SECTM1: variants seen among roughly 807,000 people sequenced by gnomAD.
The protein encoded by SECTM1 is secreted and transmembrane protein 1.
A neutral mutation model predicts 18.1 loss-of-function variants in SECTM1; 10 were observed. The observed-to-expected ratio is 0.55, with a 90% confidence interval of 0.34 to 0.94. SECTM1 has a LOEUF of 0.94. SECTM1 is among the 40% of genes least tolerant of loss of function. The pLI, the probability that SECTM1 is intolerant of heterozygous loss-of-function variation, is 0.02. For missense variants in SECTM1, 297 were observed against 322.6 expected, an observed-to-expected ratio of 0.92 and a Z score of 0.61; for synonymous variants, 137 against 139.2, an observed-to-expected ratio of 0.98 and a Z score of 0.11.
In SECTM1 at chr17:82,328,684, G is replaced by T. The variant is rs766013045; in HGVS notation, c.-52-1392C>A. ...AGGGACCAGGGAAGGGAAAGTGAGG[G>T]GAGGCAGCCTGGGTCTGTTCCAGGT... On this transcript the variant is annotated intron_variant, in intron 1 of 4. Transcript: ENST00000269389. The surrounding 1 kb of genome is among the most constrained non-coding windows in gnomAD (Gnocchi z 5.8). 6.6e-6 allele frequency among the ~76,000 whole-genome samples: 1 copy of T among 152,228 alleles called. No individual in the cohort carries two copies. Among genetic ancestry groups the T allele is most frequent in the Non-Finnish European group, 1.5e-5 (1 of 68,036 alleles).
chr17:82,332,370 C>T (rs1460717651), intron 1 of SECTM1, among the ~76,000 whole-genome samples: 3 of 152,192 alleles, frequency 2.0e-5, no homozygotes, highest in South Asian at 2.1e-4. Context: ...TGCCTGTTCC[C>T]GCTCCCTGGT....
chr17:82,331,584 G>A (rs969255301), intron 1 of SECTM1, among the ~76,000 whole-genome samples: 2 of 152,214 alleles, frequency 1.3e-5, no homozygotes, highest in African/African-American at 2.4e-5. Context: ...AGATGTTACT[G>A]GGTATCCTGC....
At chr17:82,327,781 C>T (rs1026545913) in intron 1 of SECTM1, among the ~76,000 whole-genome samples, 1 of 152,100 alleles carries the variant, frequency 6.6e-6, no homozygotes, top group African/African-American at 2.4e-5. Context: ...CACAGAGCTT[C>T]GGCATTACAA....
At chr17:82,322,749 T>C (rs1465570698) in intron 4 of SECTM1, 129 bp downstream of exon 4, 3 of 1,200,038 alleles carry the variant, frequency 2.5e-6, no homozygotes, top group Non-Finnish European at 3.5e-6. Flanking sequence ...ACTGGCTCTC[T>C]GGGACCGGTG....
rs1567844422 is a variant in SECTM1, at chr17:82,326,977, G to GCCCTCCAC, written c.94+169_94+170insGTGGAGGG. Reference sequence around the variant, plus strand: ...CACGGCGGGACACGGTCCACTCACCGCCACCTGAGGCAGCCCAGCTCCACA... The same window carrying GCCCTCCAC: ...CACGGCGGGACACGGTCCACTCACCGCCCTCCACCCACCTGAGGCAGCCCAGCTCCACA... On this transcript the variant is annotated intron_variant, in intron 2 of 4. Coordinates refer to ENST00000269389, the MANE Select transcript of SECTM1 (RefSeq NM_003004.3). The surrounding 1 kb of genome is among the most constrained non-coding windows in gnomAD (Gnocchi z 4.3). Among the ~76,000 whole-genome samples, 148 of 140,974 alleles carry GCCCTCCAC rather than the reference G, an allele frequency of 1.0e-3. No homozygotes were observed. The highest frequency in any genetic ancestry group is 2.2e-3 in the African/African-American group (79 of 36,156). The allele number at this position is 140,974 out of a possible 152,430, so 92.5% of individuals were successfully genotyped here.
rs536782979 is a variant in SECTM1 at position 82,326,110 on chromosome 17, G to A, written c.94+1037C>T. Reference sequence around the variant, plus strand: ...TCACACCGTCCCGAGGGCAGCGGGCGGCTGTCCAGGGGGTGCCCCAGCCCA... The same window carrying A: ...TCACACCGTCCCGAGGGCAGCGGGCAGCTGTCCAGGGGGTGCCCCAGCCCA... On this transcript the variant is annotated intron_variant, in intron 2 of 4. Coordinates refer to ENST00000269389, the MANE Select transcript of SECTM1 (RefSeq NM_003004.3). This position sits in a 1 kb window ranked among gnomAD's most constrained non-coding sequence, Gnocchi z 4.3. Among the ~76,000 whole-genome samples the A allele has an allele frequency of 1.2e-4, 18 of 152,362 alleles. No individual in the cohort carries two copies. The highest frequency in any genetic ancestry group is 2.1e-4 in the South Asian group (1 of 4,822).
intron 3 of SECTM1, 173 bp from the exon 4 acceptor site, chr17:82,323,184 GA>G (rs1438517315): frequency 1.0e-5 from 7 of 702,968 alleles, no homozygotes; most frequent in Non-Finnish European, 1.6e-5. Context: ...GCCAGGAGGA[GA>G]GGGGGCGCAG....
intron 1 of SECTM1, among the ~76,000 whole-genome samples, chr17:82,333,411 C>T (rs963955472): frequency 6.6e-6 from 1 of 152,182 alleles, no homozygotes; most frequent in Non-Finnish European, 1.5e-5. Flanking sequence ...CGTTCCCGCC[C>T]ATACTCGGGT....
At chr17:82,322,476 C>T in intron 4 of SECTM1, 106 bp from the exon 5 acceptor site, 1 of 1,075,082 alleles carries the variant, frequency 9.3e-7, no homozygotes, top group Non-Finnish European at 1.4e-6. Flanking sequence ...CTCATGCACA[C>T]CCCCACCCCC....
chr17:82,328,718 G>A lies in SECTM1; in HGVS notation c.-52-1426C>T, dbSNP rs1039685535. ...CTGGGTCTGTTCCAGGTGGGGCAGC[G>A]GGTAAGGCCCAGCAGGAGCCCTGGC... is the stretch of plus-strand genomic sequence containing the variant. On this transcript the variant is annotated intron_variant, in intron 1 of 4. Transcript: ENST00000269389. The surrounding 1 kb of genome is among the most constrained non-coding windows in gnomAD (Gnocchi z 5.8). 1.4e-4 allele frequency among the ~76,000 whole-genome samples: 22 copies of A among 152,224 alleles called. No individual in the cohort carries two copies. Among genetic ancestry groups the A allele is most frequent in the African/African-American group, 4.6e-4 (19 of 41,456 alleles).
At chr17:82,323,536 G>A (rs1466245957) in intron 3 of SECTM1, among the ~76,000 whole-genome samples, 2 of 148,812 alleles carry the variant, frequency 1.3e-5, no homozygotes, top group East Asian at 4.1e-4. Context: ...CCTGAGCTTT[G>A]CAGGAAAGGG....
At position 82,326,525 on chromosome 17, in the gene SECTM1, G is replaced by A. The variant is rs1251510182; in HGVS notation, c.94+622C>T. ...GAGGTGGGAGGATCACCTGAGCCCAGGAGGTCGAGGCTGCGGTGAGCTGTG... is the reference window on the plus strand; with the variant it reads ...GAGGTGGGAGGATCACCTGAGCCCAAGAGGTCGAGGCTGCGGTGAGCTGTG... On this transcript the variant is annotated intron_variant, in intron 2 of 4. Coordinates refer to ENST00000269389, the MANE Select transcript of SECTM1 (RefSeq NM_003004.3). This position sits in a 1 kb window ranked among gnomAD's most constrained non-coding sequence, Gnocchi z 4.3. Among the ~76,000 whole-genome samples, 1 of 152,182 alleles carries A rather than the reference G, an allele frequency of 6.6e-6. No homozygotes were observed. Among genetic ancestry groups the A allele is most frequent in the East Asian group, 1.9e-4 (1 of 5,200 alleles).
chr17:82,330,279 T>A lies in SECTM1; in HGVS notation c.-52-2987A>T, dbSNP rs1015719386. Among the ~76,000 whole-genome samples, 4 of 152,156 alleles carry A rather than the reference T, an allele frequency of 2.6e-5. No individual in the cohort carries two copies. The highest frequency in any genetic ancestry group is 5.9e-5 in the Non-Finnish European group (4 of 67,994). On this transcript the variant is annotated intron_variant, in intron 1 of 4. Transcript: ENST00000269389. The surrounding 1 kb of genome is among the most constrained non-coding windows in gnomAD (Gnocchi z 6.1). ...TGCCCTGCTGCTCTCCCCAGGCTGCTCTGGGGAGTCCTGCCCTCACCTGGA... is the reference window on the plus strand; with the variant it reads ...TGCCCTGCTGCTCTCCCCAGGCTGCACTGGGGAGTCCTGCCCTCACCTGGA...
rs2147268288 is a variant in SECTM1 at position 82,326,230 on chromosome 17, T to A, written c.94+917A>T. Among the ~76,000 whole-genome samples the A allele has an allele frequency of 6.6e-6, 1 of 152,344 alleles. No homozygotes were observed. The highest frequency in any genetic ancestry group is 6.5e-5 in the Admixed American group (1 of 15,300). ...ATTCTTCCCTTTCAGTTTTGTTTTGTTTTTTGTTCGTTCTTAGGATTCTGA... is the reference window on the plus strand; with the variant it reads ...ATTCTTCCCTTTCAGTTTTGTTTTGATTTTTGTTCGTTCTTAGGATTCTGA... On this transcript the variant is annotated intron_variant, in intron 2 of 4. Transcript: ENST00000269389. The surrounding 1 kb of genome is among the most constrained non-coding windows in gnomAD (Gnocchi z 4.3).
At position 82,329,635 on chromosome 17, in the gene SECTM1, A is replaced by T. The variant is rs760677207; in HGVS notation, c.-52-2343T>A. 6.6e-6 allele frequency among the ~76,000 whole-genome samples: 1 copy of T among 151,444 alleles called. No individual in the cohort carries two copies. The highest frequency in any genetic ancestry group is 1.5e-5 in the Non-Finnish European group (1 of 67,852). ...GGGCCCCATCTCCCATCATACGTCC[A>T]GCATTCTAGATTAGCTGGAAGTCCG... On this transcript the variant is annotated intron_variant, in intron 1 of 4. Coordinates refer to ENST00000269389, the MANE Select transcript of SECTM1 (RefSeq NM_003004.3). This position sits in a 1 kb window ranked among gnomAD's most constrained non-coding sequence, Gnocchi z 7.6.
intron 1 of SECTM1, among the ~76,000 whole-genome samples, chr17:82,332,236 C>A (rs1158174019): frequency 6.6e-6 from 1 of 152,248 alleles, no homozygotes; most frequent in Admixed American, 6.5e-5. Context: ...GGGTCGGTAT[C>A]TGAGGCGCCG....
In SECTM1 at chr17:82,327,388, G is replaced by A. The variant is rs1011500311; in HGVS notation, c.-52-96C>T. ...CCTGGCGGGGGCTGGGAGGCTGGGG[G>A]TCCCCGAGCTCTTCCCCGACCTGCT... is the stretch of plus-strand genomic sequence containing the variant. On this transcript the variant is annotated intron_variant, in intron 1 of 4. Coordinates refer to ENST00000269389, the MANE Select transcript of SECTM1 (RefSeq NM_003004.3). The A allele has an allele frequency of 2.9e-5, 20 of 693,572 alleles. No homozygotes were observed. The African/African-American group carries it at 3.5e-4, about 12-fold the overall frequency. The allele number at this position is 693,572 out of a possible 1,614,324, so 43.0% of individuals were successfully genotyped here.
chr17:82,327,393 C>G (rs2052156075), intron 1 of SECTM1, 101 bp from the exon 2 acceptor site: 1 of 668,250 alleles, frequency 1.5e-6, no homozygotes, highest in African/African-American at 1.9e-5. Flanking sequence ...TGGGGGTCCC[C>G]GAGCTCTTCC....
rs1270809525 is a variant in SECTM1, at chr17:82,325,486, C to A, written c.95-596G>T. On this transcript the variant is annotated intron_variant, in intron 2 of 4. Coordinates refer to ENST00000269389, the MANE Select transcript of SECTM1 (RefSeq NM_003004.3). This position sits in a 1 kb window ranked among gnomAD's most constrained non-coding sequence, Gnocchi z 7.6. ...GGGGCCCAGCCTGCTTGTGCCACCC[C>A]CAACATTCCCTTTCCCCTCCCGGCC... is the stretch of plus-strand genomic sequence containing the variant. Among the ~76,000 whole-genome samples, 1 of 152,214 alleles carries A rather than the reference C, an allele frequency of 6.6e-6. No homozygotes were observed. The highest frequency in any genetic ancestry group is 1.5e-5 in the Non-Finnish European group (1 of 68,038).
Sources: gnomAD v4.1 joint callset for allele counts (sites outside exome capture counted in the v4.1 genomes callset) on GRCh38, gnomAD v4.1.1 for gene constraint, Gnocchi (gnomAD v3.1) non-coding constraint, MANE v1.5 for transcripts, NCBI Gene and HGNC (gene_info 2026-07-23, HGNC 2026-07-21) for gene names.